Variants in PHKB observed in about 807,000 individuals in gnomAD.
The protein encoded by PHKB is phosphorylase b kinase regulatory subunit beta.
In PHKB, 122 loss-of-function variants were observed where a neutral mutation model predicts 152.1. The observed-to-expected ratio is 0.80, with a 90% CI of 0.69 to 0.93. The LOEUF is 0.93. Among genes scored for constraint, PHKB ranks in the 40% least tolerant of loss-of-function variants. The pLI is 0.00. For missense variants in PHKB, 1,304 were observed against 1,328.4 expected (o/e 0.98, Z 0.29); for synonymous variants, 436 against 464.9 (o/e 0.94, Z 0.80).
intron 26 of PHKB, among the ~76,000 whole-genome samples, chr16:47,681,630 T>A (rs1017692372): frequency 3.3e-5 from 5 of 152,124 alleles, no homozygotes; most frequent in Non-Finnish European, 7.4e-5. Flanking sequence ...TTGGTAGATC[T>A]TCCTCCATCC....
chr16:47,553,878 G>A (rs767581806), intron 7 of PHKB, among the ~76,000 whole-genome samples: 2 of 152,168 alleles, frequency 1.3e-5, no homozygotes, highest in Non-Finnish European at 2.9e-5. Context: ...GCAGCAGAAC[G>A]TCAAAGATTG....
intron 6 of PHKB, among the ~76,000 whole-genome samples, chr16:47,537,985 C>A (rs1053332827): frequency 1.3e-5 from 2 of 152,060 alleles, no homozygotes; most frequent in African/African-American, 4.8e-5. Flanking sequence ...CTCAGCCTCC[C>A]AGGCTCAAGC....
chr16:47,516,751 A>G (rs1031333558), intron 6 of PHKB, among the ~76,000 whole-genome samples: 1 of 152,200 alleles, frequency 6.6e-6, no homozygotes, highest in Non-Finnish European at 1.5e-5. Flanking sequence ...CAATAAATAA[A>G]TTCTATTTAG....
At chr16:47,654,327 A>C (rs1257835749) in intron 20 of PHKB, among the ~76,000 whole-genome samples, 1 of 152,210 alleles carries the variant, frequency 6.6e-6, no homozygotes, top group Non-Finnish European at 1.5e-5. Flanking sequence ...GATGTGGAGA[A>C]ATAGGAACAC....
chr16:47,643,044 C>A (rs1246112642), intron 16 of PHKB, among the ~76,000 whole-genome samples: 2 of 152,168 alleles, frequency 1.3e-5, no homozygotes, highest in Non-Finnish European at 2.9e-5. Context: ...AAAGCTTATT[C>A]TTTGATAAAC....
intron 14 of PHKB, among the ~76,000 whole-genome samples, chr16:47,635,948 A>G (rs570989103): frequency 1.3e-5 from 2 of 152,356 alleles, no homozygotes; most frequent in Admixed American, 6.5e-5. Context: ...GAATATTGCT[A>G]TAGAAATGCA....
At chr16:47,613,727 A>G (rs986421985) in intron 14 of PHKB, among the ~76,000 whole-genome samples, 39 of 152,204 alleles carry the variant, frequency 2.6e-4, no homozygotes, top group Admixed American at 1.8e-3. Flanking sequence ...CCATATCACC[A>G]TAAGGCTTCC....
Position 47,698,599 on chromosome 16 carries a change from A to G in PHKB, c.3144+11A>G. ...GAAATTGAAAAACAAGTAAGTACACAGCTTTTTTTTTTTTTTTTTTTTTGA... is the reference window on the plus strand; with the variant it reads ...GAAATTGAAAAACAAGTAAGTACACGGCTTTTTTTTTTTTTTTTTTTTTGA... On this transcript the variant is annotated intron_variant, in intron 30 of 30. Coordinates refer to ENST00000323584, the MANE Select transcript of PHKB (RefSeq NM_000293.3). The G allele has an allele frequency of 9.7e-7, 1 of 1,029,322 alleles. No homozygotes were observed. The highest frequency in any genetic ancestry group is 1.3e-6 in the Non-Finnish European group (1 of 764,902). The allele number at this position is 1,029,322 out of a possible 1,614,324, so 63.8% of individuals were successfully genotyped here. A position where few individuals can be genotyped will look rare whatever the true frequency, so the allele number is the denominator to read the frequency against.
At chr16:47,532,912 G>A (rs923225724) in intron 6 of PHKB, among the ~76,000 whole-genome samples, 4 of 152,248 alleles carry the variant, frequency 2.6e-5, no homozygotes, top group Admixed American at 6.5e-5. Context: ...AGTGGAGGGT[G>A]AGCAAAATGA....
intron 1 of PHKB, among the ~76,000 whole-genome samples, chr16:47,468,697 C>T (rs1435101090): frequency 2.0e-5 from 3 of 152,136 alleles, no homozygotes; most frequent in Admixed American, 1.3e-4. Flanking sequence ...TTCTACATTC[C>T]CTTCCTTTGA....
At chr16:47,650,724 T>C in intron 19 of PHKB, 98 bp downstream of exon 19, 1 of 1,242,682 alleles carries the variant, frequency 8.0e-7, no homozygotes, top group Non-Finnish European at 1.2e-6. Context: ...TGTATCCTTC[T>C]TAGTATGTGG....
At position 47,692,703 on chromosome 16, in the gene PHKB, ATGTAT is replaced by A. The variant is rs76772784; in HGVS notation, c.2766-669_2766-665del. Among the ~76,000 whole-genome samples, 1,228 of 152,280 alleles carry A rather than the reference ATGTAT, an allele frequency of 8.1e-3. 22 individuals carry two copies. Among genetic ancestry groups the A allele is most frequent in the South Asian group, 0.054 (262 of 4,826 alleles). On this transcript the variant is annotated intron_variant, in intron 27 of 30. Transcript: ENST00000323584. ...GAATATTTTTAGCAGTTTGTGAATGATGTATTGTATCTTTAAAATTTAATACTTAA... is the reference window on the plus strand; with the variant it reads ...GAATATTTTTAGCAGTTTGTGAATGATGTATCTTTAAAATTTAATACTTAA...
rs533173796 is a variant in PHKB at position 47,510,861 on chromosome 16, C to T, written c.406-804C>T. 2.2e-4 allele frequency among the ~76,000 whole-genome samples: 33 copies of T among 152,254 alleles called. No homozygotes were observed. In the South Asian group the frequency reaches 6.6e-3, roughly 31 times the overall value. ...TCTTTAAAAGAGAAGTAAATTATTG[C>T]ATTTACCTAGAGGTATATATCTTTG... is the stretch of plus-strand genomic sequence containing the variant. On this transcript the variant is annotated intron_variant, in intron 4 of 30. Coordinates refer to ENST00000323584, the MANE Select transcript of PHKB (RefSeq NM_000293.3).
At chr16:47,659,336 A>C (rs1316602240) in intron 20 of PHKB, among the ~76,000 whole-genome samples, 1 of 152,230 alleles carries the variant, frequency 6.6e-6, no homozygotes, top group African/African-American at 2.4e-5. Context: ...CTGTTTCTTC[A>C]CATTTGAGAT....
intron 7 of PHKB, among the ~76,000 whole-genome samples, chr16:47,553,495 C>T (rs1025307660): frequency 1.3e-5 from 2 of 152,050 alleles, no homozygotes; most frequent in Admixed American, 6.5e-5. Context: ...TCCTTTAGCT[C>T]AGAGGAGCTT....
chr16:47,558,612 C>T (rs928508508), intron 7 of PHKB, among the ~76,000 whole-genome samples: 6 of 152,140 alleles, frequency 3.9e-5, no homozygotes, highest in Non-Finnish European at 5.9e-5. Flanking sequence ...TGCAGTGGTG[C>T]GATCTTGGCT....
chr16:47,503,111 C>A, intron 4 of PHKB, 21 bp downstream of exon 4: 2 of 1,363,042 alleles, frequency 1.5e-6, no homozygotes, highest in South Asian at 1.2e-5. Context: ...GTGGTGTGGA[C>A]GGGAATTCTC....
intron 14 of PHKB, among the ~76,000 whole-genome samples, chr16:47,638,390 C>A (rs1378607409): frequency 6.6e-6 from 1 of 152,156 alleles, no homozygotes; most frequent in Non-Finnish European, 1.5e-5. Context: ...AATTAACATC[C>A]TTTATTGAGT....
chr16:47,580,950 G>C lies in PHKB; in HGVS notation c.774+592G>C, dbSNP rs529955178. On this transcript the variant is annotated intron_variant, in intron 8 of 30. Transcript: ENST00000323584. ...GAAAGAATCTAATCAAGTGACCATG[G>C]ATTGAGTTGTCAGTGGAAAGGAATA... is the stretch of plus-strand genomic sequence containing the variant. Among the ~76,000 whole-genome samples, 6 of 152,256 alleles carry C rather than the reference G, an allele frequency of 3.9e-5. No individual in the cohort carries two copies. The South Asian group carries it at 1.2e-3, about 32-fold the overall frequency.
Sources: gnomAD v4.1 joint callset for allele counts (sites outside exome capture counted in the v4.1 genomes callset) on GRCh38, gnomAD v4.1.1 for gene constraint, MANE v1.5 for transcripts, NCBI Gene and HGNC (gene_info 2026-07-23, HGNC 2026-07-21) for gene names.